BTBD9: variants seen among roughly 807,000 people sequenced by gnomAD.
BTBD9 encodes the protein BTB domain containing 9.
In BTBD9, 49 loss-of-function variants were observed where a neutral mutation model predicts 64.3. The observed-to-expected ratio is 0.76, with a 90% CI of 0.61 to 0.97. The LOEUF is 0.97. Among genes scored for constraint, BTBD9 ranks in the 50% least tolerant of loss-of-function variants. The pLI is 0.00. For missense variants in BTBD9, 598 were observed against 762.1 expected, an observed-to-expected ratio of 0.78 and a Z score of 2.53; for synonymous variants, 260 against 274.7, an observed-to-expected ratio of 0.95 and a Z score of 0.53.
chr6:38,346,701 G>A (rs1764289306), intron 6 of BTBD9, among the ~76,000 whole-genome samples: 1 of 152,144 alleles, frequency 6.6e-6, no homozygotes. Context: ...CTTTGGCAGT[G>A]ACAATCTCCC....
At chr6:38,206,775 T>C (rs1368294711) in intron 9 of BTBD9, among the ~76,000 whole-genome samples, 4 of 151,806 alleles carry the variant, frequency 2.6e-5, no homozygotes, top group African/African-American at 7.3e-5. Flanking sequence ...AGGAACACAA[T>C]AGATAATTCC....
chr6:38,340,782 G>A (rs763549566), intron 7 of BTBD9, among the ~76,000 whole-genome samples: 97 of 152,080 alleles, frequency 6.4e-4, no homozygotes, highest in Non-Finnish European at 1.2e-3. Context: ...CCAAAATTAC[G>A]AAATAATGAA....
chr6:38,456,084 A>G (rs923797666), intron 6 of BTBD9, among the ~76,000 whole-genome samples: 1 of 152,034 alleles, frequency 6.6e-6, no homozygotes, highest in Non-Finnish European at 1.5e-5. Context: ...CCGGGGATCA[A>G]TCAAGTCATT....
intron 6 of BTBD9, among the ~76,000 whole-genome samples, chr6:38,450,257 C>T (rs747602023): frequency 9.9e-5 from 15 of 152,036 alleles, no homozygotes; most frequent in Non-Finnish European, 1.9e-4. Flanking sequence ...CCAGAGGCTG[C>T]GGTGTTTAGC....
At chr6:38,585,367 G>A (rs961130601) in intron 4 of BTBD9, among the ~76,000 whole-genome samples, 2 of 152,096 alleles carry the variant, frequency 1.3e-5, no homozygotes, top group South Asian at 4.1e-4. Context: ...GGAGTGTGGT[G>A]GGATGATTAT....
At chr6:38,549,042 A>G (rs1582616559) in intron 6 of BTBD9, among the ~76,000 whole-genome samples, 1 of 152,224 alleles carries the variant, frequency 6.6e-6, no homozygotes, top group African/African-American at 2.4e-5. Flanking sequence ...GCCTCTCAGT[A>G]TAAATAAGTG....
intron 9 of BTBD9, among the ~76,000 whole-genome samples, chr6:38,241,314 C>G (rs873316): frequency 0.71 from 107,655 of 152,096 alleles, 38,515 homozygotes; most frequent in East Asian, 0.96. Flanking sequence ...CTGAGAACCG[C>G]AGATGAGGAA....
intron 10 of BTBD9, among the ~76,000 whole-genome samples, chr6:38,186,877 CTTGTG>C (rs1158931466): frequency 1.3e-5 from 2 of 152,150 alleles, no homozygotes; most frequent in Non-Finnish European, 2.9e-5. Flanking sequence ...CTCAAGACTG[CTTGTG>C]GGCCCCTGAG....
intron 6 of BTBD9, among the ~76,000 whole-genome samples, chr6:38,509,688 A>G (rs1772693467): frequency 6.6e-6 from 1 of 152,272 alleles, no homozygotes; most frequent in African/African-American, 2.4e-5. Flanking sequence ...GAAAAATCTA[A>G]TAAAACTGAA....
chr6:38,251,431 A>C (rs1216779652), intron 9 of BTBD9, among the ~76,000 whole-genome samples: 1 of 151,740 alleles, frequency 6.6e-6, no homozygotes, highest in African/African-American at 2.4e-5. Flanking sequence ...GGCCCAGCTA[A>C]TTTTTGTATT....
intron 1 of BTBD9, among the ~76,000 whole-genome samples, chr6:38,607,152 C>A (rs1479054837): frequency 6.6e-6 from 1 of 152,112 alleles, no homozygotes; most frequent in Non-Finnish European, 1.5e-5. Context: ...ATTGGAACTG[C>A]AATGTACAAT....
chr6:38,477,101 A>G (rs1467307404), intron 6 of BTBD9, among the ~76,000 whole-genome samples: 1 of 152,216 alleles, frequency 6.6e-6, no homozygotes, highest in Non-Finnish European at 1.5e-5. Context: ...ACAGATGTCT[A>G]TCCTAAAAGG....
chr6:38,424,555 C>T (rs557145199), intron 6 of BTBD9, among the ~76,000 whole-genome samples: 49 of 152,018 alleles, frequency 3.2e-4, no homozygotes, highest in Non-Finnish European at 6.9e-4. Flanking sequence ...CTCGCTCTGT[C>T]GCCCAGGCTG....
intron 6 of BTBD9, among the ~76,000 whole-genome samples, chr6:38,347,842 C>A (rs1002974431): frequency 6.6e-6 from 1 of 152,052 alleles, no homozygotes; most frequent in African/African-American, 2.4e-5. Flanking sequence ...ACTAAAAATA[C>A]AAAAATTAGC....
intron 6 of BTBD9, among the ~76,000 whole-genome samples, chr6:38,388,969 A>C (rs1450093809): frequency 6.6e-6 from 1 of 152,212 alleles, no homozygotes. Context: ...AGCATTTTAA[A>C]CAAAGGGGGA....
intron 1 of BTBD9, among the ~76,000 whole-genome samples, chr6:38,635,973 T>C (rs547053101): frequency 1.3e-5 from 2 of 152,244 alleles, no homozygotes; most frequent in South Asian, 2.1e-4. Context: ...TCCATTTTTC[T>C]GGCATTGGGG....
At chr6:38,219,187 T>C (rs990972967) in intron 9 of BTBD9, among the ~76,000 whole-genome samples, 4 of 146,234 alleles carry the variant, frequency 2.7e-5, no homozygotes, top group African/African-American at 1.0e-4. Flanking sequence ...CAGGCTGGAG[T>C]GTAGTAGCAC....
Position 38,248,579 on chromosome 6 carries a change from A to G in BTBD9, c.1562+7830T>C, listed in dbSNP as rs535127414. Among the ~76,000 whole-genome samples, 4 of 152,352 alleles carry G rather than the reference A, an allele frequency of 2.6e-5. No individual in the cohort carries two copies. In the South Asian group the frequency reaches 8.3e-4, roughly 32 times the overall value. On this transcript the variant is annotated intron_variant, in intron 9 of 10. Transcript: ENST00000481247. ...CTCTGACAGGAAACAAGACAGCTAT[A>G]TAACATGGCAGAGGCACAGCCAAGC... is the stretch of plus-strand genomic sequence containing the variant.
At chr6:38,293,596 G>GGGAAAACTGGCTAGCCACATGC (rs1762043893) in intron 7 of BTBD9, among the ~76,000 whole-genome samples, 1 of 152,132 alleles carries the variant, frequency 6.6e-6, no homozygotes, top group African/African-American at 2.4e-5. Flanking sequence ...AAATGGTGCT[G>GGGAAAACTGGCTAGCCACATGC]GGAAAACTGG....
Sources: allele counts gnomAD v4.1 joint callset (sites outside exome capture counted in the v4.1 genomes callset), GRCh38; gene constraint gnomAD v4.1.1; transcripts MANE v1.5; gene names NCBI Gene and HGNC (gene_info 2026-07-23, HGNC 2026-07-21).